MAS1L: variants seen among roughly 807,000 people sequenced by gnomAD.
The protein encoded by MAS1L is mas-related G protein-coupled receptor MRG.
For synonymous variants in MAS1L, 160 were observed against 182.9 expected, an observed-to-expected ratio of 0.87 and a Z score of 1.01; for missense variants, 441 against 460.1, an observed-to-expected ratio of 0.96 and a Z score of 0.38.
Position 29,486,963 on chromosome 6 carries a change from A to C in MAS1L, c.940T>G (p.Tyr314Asp). 3 of 1,614,194 alleles carry C rather than the reference A, an allele frequency of 1.9e-6. No individual in the cohort carries two copies. The highest frequency in any genetic ancestry group is 2.5e-6 in the Non-Finnish European group (3 of 1,180,026). Reference sequence around the variant, plus strand: ...TTTCTGAGGCTCCCCACAAAGAAATAAATGATAGGGTTGGCGCTGCTGTTT... The same window carrying C: ...TTTCTGAGGCTCCCCACAAAGAAATCAATGATAGGGTTGGCGCTGCTGTTT... ...IINSSANPII[Y>D]FFVGSLRKKR... Residue 314 changes from tyrosine to aspartate, a missense_variant, in exon 1 of 1, where the codon TAT becomes GAT. By Grantham distance (160) the Tyr-to-Asp change is radical (BLOSUM62 -3). Coordinates refer to ENST00000377127, the MANE Select transcript of MAS1L (RefSeq NM_052967.2).
In MAS1L at chr6:29,487,735, C is replaced by T. The variant is rs758267620; in HGVS notation, c.168G>A (p.Thr56=). The T allele has an allele frequency of 9.4e-5, 151 of 1,614,116 alleles. 1 individual carries two copies. Among genetic ancestry groups the T allele is most frequent in the Non-Finnish European group, 1.1e-4 (135 of 1,180,058 alleles). The change falls in exon 1 of 1, where the codon ACG becomes ACA. Residue 56 remains threonine, a synonymous_variant. Coordinates refer to ENST00000377127, the MANE Select transcript of MAS1L (RefSeq NM_052967.2). ...TCATCTGCATATGTATGGTTTCATT[C>T]GTCTCATTTTGAAGAAAGACGCCAC... ...QLCGVFLQNE[T]NETIHMQMSM... is the part of the protein sequence containing the mutation.
In MAS1L at chr6:29,487,758, C is replaced by T. The variant is rs1789414269; in HGVS notation, c.145G>A (p.Gly49Ser). The change falls in exon 1 of 1, where the codon GGC (glycine) becomes AGC (serine). Residue 49 changes from glycine (G) to serine (S), a missense_variant. Gly to Ser is a moderately conservative substitution (Grantham distance 56). Transcript: ENST00000377127. The stretch of plus-strand genomic sequence containing the variant: ...TTCGTCTCATTTTGAAGAAAGACGC[C>T]ACAGAGCTGAGATACCAGGTTTGGG... ...QNPNLVSQLC[G>S]VFLQNETNET... 1.2e-6 allele frequency: 2 copies of T among 1,614,242 alleles called. No individual in the cohort carries two copies. Among genetic ancestry groups the T allele is most frequent in the Non-Finnish European group, 1.7e-6 (2 of 1,180,042 alleles).
Position 29,487,173 on chromosome 6 carries a change from G to A in MAS1L, c.730C>T (p.Leu244=). Residue 244 remains leucine, a synonymous_variant, in exon 1 of 1, where the codon CTG becomes TTG. Transcript: ENST00000377127. ...CACAGGAATCTAATGAGTAGAGTCAGACTCGACACACACATCACAAGTGAA... is the reference window on the plus strand; with the variant it reads ...CACAGGAATCTAATGAGTAGAGTCAAACTCGACACACACATCACAAGTGAA... ...ILSLVMCVSS[L]TLLIRFLCCS... is the part of the protein sequence containing the mutation. 3 of 1,614,132 alleles carry A rather than the reference G, an allele frequency of 1.9e-6. No individual in the cohort carries two copies. The highest frequency in any genetic ancestry group is 2.5e-6 in the Non-Finnish European group (3 of 1,180,030).
chr6:29,486,932 CT>C, the MAS1L span: 1 of 1,614,160 alleles, frequency 6.2e-7, no homozygotes, highest in Non-Finnish European at 8.5e-7. Context: ...TTCCTTCAGC[CT>C]TTTCTTTCTG....
Position 29,487,124 on chromosome 6 carries a change from G to C in MAS1L, c.779C>G (p.Thr260Ser), listed in dbSNP as rs373763639. The C allele has an allele frequency of 2.9e-5, 47 of 1,613,978 alleles. No individual in the cohort carries two copies. Among genetic ancestry groups the C allele is most frequent in the Non-Finnish European group, 3.8e-5 (45 of 1,180,012 alleles). ...GATCTGCACCACCGCATAGACCCTG[G>C]TGGCCTTTTGCTGCTGGGAGCAGCA... ...FLCCSQQQKATRVYAVVQISA... is the reference protein window; with the variant it reads ...FLCCSQQQKASRVYAVVQISA... The change falls in exon 1 of 1, where the codon ACC becomes AGC. Residue 260 changes from threonine to serine, a missense_variant. By Grantham distance (58) the Thr-to-Ser change is moderately conservative. Transcript: ENST00000377127.
At position 29,487,728 on chromosome 6, in the gene MAS1L, T is replaced by G. The variant is rs145164303; in HGVS notation, c.175A>C (p.Thr59Pro). The G allele has an allele frequency of 4.8e-3, 7,804 of 1,614,190 alleles. 138 individuals carry two copies. The highest frequency in any genetic ancestry group is 0.027 in the African/African-American group (2,052 of 75,036). The change falls in exon 1 of 1, where the codon ACC becomes CCC. Residue 59 changes from threonine to proline, a missense_variant. Coordinates refer to ENST00000377127, the MANE Select transcript of MAS1L (RefSeq NM_052967.2). Reference sequence around the variant, plus strand: ...GCCATGCTCATCTGCATATGTATGGTTTCATTCGTCTCATTTTGAAGAAAG... The same window carrying G: ...GCCATGCTCATCTGCATATGTATGGGTTCATTCGTCTCATTTTGAAGAAAG... ...GVFLQNETNETIHMQMSMAVG... is the reference protein window; with the variant it reads ...GVFLQNETNEPIHMQMSMAVG...
At position 29,487,055 on chromosome 6, in the gene MAS1L, G is replaced by A; in HGVS notation, c.848C>T (p.Ala283Val). ...CATTTTGAAATCTGTTATGAGGGGT[G>A]CCACGCTCAGGGGTAGGGCCCAGAG... ...FLLWALPLSV[A>V]PLITDFKMFV... The change falls in exon 1 of 1, where the codon GCA becomes GTA. Residue 283 changes from alanine to valine, a missense_variant. Physicochemically the swap from Ala to Val is moderately conservative, Grantham distance 64. Coordinates refer to ENST00000377127, the MANE Select transcript of MAS1L (RefSeq NM_052967.2). 1 of 1,614,038 alleles carries A rather than the reference G, an allele frequency of 6.2e-7. No homozygotes were observed. Among genetic ancestry groups the A allele is most frequent in the Non-Finnish European group, 8.5e-7 (1 of 1,180,018 alleles).
chr6:29,487,415 A>C lies in MAS1L; in HGVS notation c.488T>G (p.Leu163Arg). 6.2e-7 allele frequency: 1 copy of C among 1,614,018 alleles called. No homozygotes were observed. Among genetic ancestry groups the C allele is most frequent in the Admixed American group, 1.7e-5 (1 of 60,024 alleles). The change falls in exon 1 of 1, where the codon CTC (leucine) becomes CGC (arginine). Residue 163 changes from leucine (L) to arginine (R), a missense_variant. Physicochemically the swap from Leu to Arg is moderately radical, Grantham distance 102. Coordinates refer to ENST00000377127, the MANE Select transcript of MAS1L (RefSeq NM_052967.2). ...SPFSFEVCLC[L>R]LVAISTERCV... Reference sequence around the variant, plus strand: ...CCGCTCTGTGCTGATGGCCACCAGGAGACAGAGACACACCTCAAAGGAGAA... The same window carrying C: ...CCGCTCTGTGCTGATGGCCACCAGGCGACAGAGACACACCTCAAAGGAGAA...
chr6:29,487,000 C>G lies in MAS1L; in HGVS notation c.903G>C (p.Leu301Phe), dbSNP rs771898207. Residue 301 changes from leucine to phenylalanine, a missense_variant, in exon 1 of 1, where the codon TTG (leucine) becomes TTC (phenylalanine). Coordinates refer to ENST00000377127, the MANE Select transcript of MAS1L (RefSeq NM_052967.2). ...TGGCGCTGCTGTTTATAATGAGGAA[C>G]AAGGAAATTAAATAGGAGGTGGTGA... ...MFVTTSYLISLFLIINSSANP... is the reference protein window; with the variant it reads ...MFVTTSYLISFFLIINSSANP... 1.2e-6 allele frequency: 2 copies of G among 1,613,834 alleles called. No homozygotes were observed. The highest frequency in any genetic ancestry group is 2.7e-5 in the African/African-American group (2 of 74,824).
Position 29,487,655 on chromosome 6 carries a change from A to T in MAS1L, c.248T>A (p.Val83Glu), listed in dbSNP as rs760300752. 52 of 1,614,116 alleles carry T rather than the reference A, an allele frequency of 3.2e-5. No individual in the cohort carries two copies. The highest frequency in any genetic ancestry group is 4.2e-5 in the Non-Finnish European group (50 of 1,180,046). ...LPLNIIAPKA[V>E]LVSLCGVLLN... Reference sequence around the variant, plus strand: ...TAAGACCCCACAGAGGGAGACCAGCACAGCCTTGGGGGCAATGATATTCAA... The same window carrying T: ...TAAGACCCCACAGAGGGAGACCAGCTCAGCCTTGGGGGCAATGATATTCAA... The change falls in exon 1 of 1, where the codon GTG (valine) becomes GAG (glutamate). Residue 83 changes from valine (V) to glutamate (E), a missense_variant. By Grantham distance (121) the Val-to-Glu change is moderately radical. Transcript: ENST00000377127.
Position 29,487,352 on chromosome 6 carries a change from T to A in MAS1L, c.551A>T (p.His184Leu). 6.2e-7 allele frequency: 1 copy of A among 1,613,898 alleles called. No individual in the cohort carries two copies. Among genetic ancestry groups the A allele is most frequent in the Non-Finnish European group, 8.5e-7 (1 of 1,180,008 alleles). The change falls in exon 1 of 1, where the codon CAC becomes CTC. Residue 184 changes from histidine (H) to leucine (L), a missense_variant. Transcript: ENST00000377127. ...AACATTAGATGTGTATTTTGGGCGG[T>A]GGCATCTGTACCAGATGGGGAAGAG... Reference protein sequence around the residue: ...CVLFPIWYRCHRPKYTSNVVC... With the variant: ...CVLFPIWYRCLRPKYTSNVVC...
rs1354059438 is a variant in MAS1L, at chr6:29,487,784, T to C, written c.119A>G (p.Asn40Ser). ...ACAGAGCTGAGATACCAGGTTTGGGTTCTGTGCCTCCTGGTCACCACTGTG... is the reference window on the plus strand; with the variant it reads ...ACAGAGCTGAGATACCAGGTTTGGGCTCTGTGCCTCCTGGTCACCACTGTG... ...CLHSGDQEAQNPNLVSQLCGV... is the reference protein window; with the variant it reads ...CLHSGDQEAQSPNLVSQLCGV... Residue 40 changes from asparagine (N) to serine (S), a missense_variant, in exon 1 of 1, where the codon AAC becomes AGC. Coordinates refer to ENST00000377127, the MANE Select transcript of MAS1L (RefSeq NM_052967.2). The C allele has an allele frequency of 6.2e-7, 1 of 1,614,224 alleles. No homozygotes were observed. Among genetic ancestry groups the C allele is most frequent in the South Asian group, 1.1e-5 (1 of 91,084 alleles).
Position 29,487,377 on chromosome 6 carries a change from G to A in MAS1L, c.526C>T (p.Leu176Phe). The change falls in exon 1 of 1, where the codon CTC (leucine) becomes TTC (phenylalanine). Residue 176 changes from leucine (L) to phenylalanine (F), a missense_variant. Physicochemically the swap from Leu to Phe is conservative, Grantham distance 22 (BLOSUM62 0). Transcript: ENST00000377127. ...TGGCATCTGTACCAGATGGGGAAGA[G>A]GACACACACACACCGCTCTGTGCTG... ...AISTERCVCVLFPIWYRCHRP... is the reference protein window; with the variant it reads ...AISTERCVCVFFPIWYRCHRP... 6.2e-7 allele frequency: 1 copy of A among 1,613,980 alleles called. No individual in the cohort carries two copies. Among genetic ancestry groups the A allele is most frequent in the Non-Finnish European group, 8.5e-7 (1 of 1,180,018 alleles).
Position 29,487,793 on chromosome 6 carries a change from T to C in MAS1L, c.110A>G (p.Glu37Gly), listed in dbSNP as rs764492336. The C allele has an allele frequency of 6.2e-7, 1 of 1,614,252 alleles. No individual in the cohort carries two copies. Among genetic ancestry groups the C allele is most frequent in the Admixed American group, 1.7e-5 (1 of 60,030 alleles). Residue 37 changes from glutamate to glycine, a missense_variant, in exon 1 of 1, where the codon GAG becomes GGG. By Grantham distance (98) the Glu-to-Gly change is moderately conservative. Coordinates refer to ENST00000377127, the MANE Select transcript of MAS1L (RefSeq NM_052967.2). ...AGATACCAGGTTTGGGTTCTGTGCC[T>C]CCTGGTCACCACTGTGGAGACAAAG... ...CSLCLHSGDQ[E>G]AQNPNLVSQL... is the part of the protein sequence containing the mutation.
At position 29,487,920 on chromosome 6, in the gene MAS1L, G is replaced by A. The variant is rs1789433757; in HGVS notation, c.-18C>T. On this transcript the variant is annotated 5_prime_UTR_variant, in exon 1 of 1. Transcript: ENST00000377127. ...CAGACCATGGGGTGCTGGGACCTGA[G>A]TGGGCCACAACATCACAGTCAGGAG... 2 of 1,592,746 alleles carry A rather than the reference G, an allele frequency of 1.3e-6. No homozygotes were observed. Among genetic ancestry groups the A allele is most frequent in the Non-Finnish European group, 1.7e-6 (2 of 1,171,774 alleles).
chr6:29,487,088 A>G lies in MAS1L; in HGVS notation c.815T>C (p.Met272Thr), dbSNP rs1456887244. 1.2e-5 allele frequency: 19 copies of G among 1,578,640 alleles called. No individual in the cohort carries two copies. Among genetic ancestry groups the G allele is most frequent in the Admixed American group, 3.5e-5 (2 of 57,212 alleles). Reference sequence around the variant, plus strand: ...CAGGGGTAGGGCCCAGAGTAGGAACATGGGGGCCGAGATCTGCACCACCGC... The same window carrying G: ...CAGGGGTAGGGCCCAGAGTAGGAACGTGGGGGCCGAGATCTGCACCACCGC... ...VYAVVQISAP[M>T]FLLWALPLSV... Residue 272 changes from methionine (M) to threonine (T), a missense_variant, in exon 1 of 1, where the codon ATG becomes ACG. Met to Thr is a moderately conservative substitution (Grantham distance 81). Coordinates refer to ENST00000377127, the MANE Select transcript of MAS1L (RefSeq NM_052967.2).
rs200863978 is a variant in MAS1L at position 29,486,787 on chromosome 6, G to A, written c.1116C>T (p.His372=). 2.5e-6 allele frequency: 4 copies of A among 1,613,424 alleles called. No individual in the cohort carries two copies. The highest frequency in any genetic ancestry group is 3.3e-5 in the Admixed American group (2 of 59,936). Residue 372 remains histidine (H), a synonymous_variant, in exon 1 of 1, where the codon CAC becomes CAT. Transcript: ENST00000377127. ...GAAATTATGTTTCCACATCGACCCT[G>A]TGCTCCCTGGGAAGAAGGTTCTCCA... is the stretch of plus-strand genomic sequence containing the variant. ...QHVENLLPRE[H]RVDVET
Position 29,487,622 on chromosome 6 carries a change from C to T in MAS1L, c.281G>A (p.Gly94Asp). Residue 94 changes from glycine (G) to aspartate (D), a missense_variant, in exon 1 of 1, where the codon GGC becomes GAC. Coordinates refer to ENST00000377127, the MANE Select transcript of MAS1L (RefSeq NM_052967.2). ...ACAGCAAAGCAGCCAGAAGACAGTG[C>T]CATTCAATAAGACCCCACAGAGGGA... The part of the protein sequence containing the change: ...LVSLCGVLLN[G>D]TVFWLLCCGA... 6.2e-7 allele frequency: 1 copy of T among 1,614,158 alleles called. No individual in the cohort carries two copies. Among genetic ancestry groups the T allele is most frequent in the Non-Finnish European group, 8.5e-7 (1 of 1,180,032 alleles).
chr6:29,487,197 A>T lies in MAS1L; in HGVS notation c.706T>A (p.Ser236Thr). The T allele has an allele frequency of 6.2e-7, 1 of 1,614,102 alleles. No homozygotes were observed. The highest frequency in any genetic ancestry group is 8.5e-7 in the Non-Finnish European group (1 of 1,179,988). The change falls in exon 1 of 1, where the codon TCA (serine) becomes ACA (threonine). Residue 236 changes from serine (S) to threonine (T), a missense_variant. Ser to Thr is a moderately conservative substitution (Grantham distance 58). Coordinates refer to ENST00000377127, the MANE Select transcript of MAS1L (RefSeq NM_052967.2). ...AGACTCGACACACACATCACAAGTG[A>T]AAGGATAGCATGGAAGAGCCCAGAA... is the stretch of plus-strand genomic sequence containing the variant. ...KLSGLFHAIL[S>T]LVMCVSSLTL... is the part of the protein sequence containing the mutation.
Sources: allele counts gnomAD v4.1 joint callset, GRCh38; gene constraint gnomAD v4.1.1; transcripts MANE v1.5; gene names NCBI Gene and HGNC (gene_info 2026-07-23, HGNC 2026-07-21).